Variants in CLASP1 observed in about 807,000 individuals in gnomAD.
CLASP1 encodes cytoplasmic linker associated protein 1, also known as CLIP-associating protein 1.
CLASP1 carries 38 observed loss-of-function variants against 192.3 expected under a neutral mutation model. The observed-to-expected ratio is 0.20, with a 90% confidence interval of 0.15 to 0.26. The LOEUF is 0.26. Ranked by LOEUF, CLASP1 falls within the 10% of genes least tolerant of loss-of-function variation. The probability of loss-of-function intolerance (pLI) is 1.00; values close to 1 mark genes in which losing one functional copy is unlikely to be tolerated. For missense variants in CLASP1, 1,433 were observed against 1,932.5 expected, an observed-to-expected ratio of 0.74 and a Z score of 4.85; for synonymous variants, 691 against 712.8, an observed-to-expected ratio of 0.97 and a Z score of 0.49.
intron 34 of CLASP1, 122 bp downstream of exon 35, chr2:121,377,377 T>C: frequency 2.8e-6 from 2 of 717,988 alleles, no homozygotes; most frequent in Non-Finnish European, 4.5e-6. Context: ...AAGGAAAACA[T>C]TATTTTAACT....
chr2:121,520,876 G>A (rs1165460899), intron 6 of CLASP1, among the ~76,000 whole-genome samples: 2 of 152,190 alleles, frequency 1.3e-5, no homozygotes, highest in African/African-American at 4.8e-5. Flanking sequence ...CCTCAGCTCA[G>A]GAGGTACATC....
At chr2:121,436,486 C>T (rs2082339110) in intron 19 of CLASP1, among the ~76,000 whole-genome samples, 1 of 151,102 alleles carries the variant, frequency 6.6e-6, no homozygotes, top group African/African-American at 2.4e-5. Flanking sequence ...TCTCGGTTCA[C>T]TGCAATTTCC....
At chr2:121,531,927 A>G (rs142221349) in intron 2 of CLASP1, among the ~76,000 whole-genome samples, 2 of 152,256 alleles carry the variant, frequency 1.3e-5, no homozygotes, top group African/African-American at 4.8e-5. Flanking sequence ...TCCAATAGTC[A>G]GATTAAACCC....
chr2:121,478,143 G>A (rs2091864866), intron 8 of CLASP1, among the ~76,000 whole-genome samples: 3 of 152,234 alleles, frequency 2.0e-5, no homozygotes, highest in South Asian at 4.1e-4. Context: ...TTATAGCCAT[G>A]TGCGACTTAT....
At chr2:121,512,820 ATATAAT>A (rs1246083538) in intron 7 of CLASP1, among the ~76,000 whole-genome samples, 6 of 152,218 alleles carry the variant, frequency 3.9e-5, no homozygotes, top group African/African-American at 1.4e-4. Context: ...TTTCTTAGAG[ATATAAT>A]TAATCGTATT....
intron 1 of CLASP1, among the ~76,000 whole-genome samples, chr2:121,648,258 A>G (rs1365074933): frequency 1.3e-5 from 2 of 152,204 alleles, no homozygotes; most frequent in African/African-American, 4.8e-5. Flanking sequence ...GCACCCAAAT[A>G]GGGTCCAAGG....
chr2:121,605,866 C>T (rs368499126), exon 2 of CLASP1: 109 of 1,613,850 alleles, frequency 6.8e-5, no homozygotes, highest in Middle Eastern at 4.9e-4. Context: ...GCAACACCTG[C>T]GCCAGGCAGG....
intron 19 of CLASP1, among the ~76,000 whole-genome samples, 197 bp from the exon 20 acceptor site, chr2:121,430,374 G>C (rs1011912672): frequency 6.6e-6 from 1 of 152,266 alleles, no homozygotes; most frequent in Non-Finnish European, 1.5e-5. Context: ...TATGATCCAC[G>C]CACAACTGTT....
intron 24 of CLASP1, chr2:121,409,157 C>T: frequency 1.2e-6 from 1 of 861,384 alleles, no homozygotes; most frequent in Non-Finnish European, 1.8e-6. Context: ...CATATCTTAG[C>T]AAACCAAAAA....
At chr2:121,471,300 T>C (rs1317938547) in intron 8 of CLASP1, among the ~76,000 whole-genome samples, 2 of 152,032 alleles carry the variant, frequency 1.3e-5, no homozygotes, top group African/African-American at 2.4e-5. Flanking sequence ...AGAAACATCT[T>C]TGGAATCTTA....
intron 25 of CLASP1, 40 bp downstream of exon 26, chr2:121,407,431 G>T: frequency 6.2e-7 from 1 of 1,610,306 alleles, no homozygotes; most frequent in South Asian, 1.1e-5. Context: ...AGTCCAACAG[G>T]AGATTCAAAC....
intron 30 of CLASP1, 118 bp downstream of exon 31, chr2:121,397,022 A>G: frequency 1.1e-6 from 1 of 914,736 alleles, no homozygotes; most frequent in Non-Finnish European, 1.7e-6. Context: ...GGGCAACAGC[A>G]GAGCCTTAGT....
chr2:121,458,576 C>T (rs899913476), intron 13 of CLASP1, among the ~76,000 whole-genome samples: 1 of 151,986 alleles, frequency 6.6e-6, no homozygotes, highest in African/African-American at 2.4e-5. Context: ...ACCGGATGTT[C>T]GAACATTTTA....
At chr2:121,452,662 G>A (rs2085740906) in intron 14 of CLASP1, among the ~76,000 whole-genome samples, 1 of 152,150 alleles carries the variant, frequency 6.6e-6, no homozygotes, top group East Asian at 1.9e-4. Flanking sequence ...ATGGTGGCGG[G>A]CGCCTGTAAT....
At chr2:121,487,721 C>T (rs775765458) in intron 8 of CLASP1, among the ~76,000 whole-genome samples, 2 of 152,212 alleles carry the variant, frequency 1.3e-5, no homozygotes, top group African/African-American at 2.4e-5. Context: ...CTATCAAGAA[C>T]ACCCACCACA....
At chr2:121,448,316 C>G in exon 18 of CLASP1, 3 of 1,611,920 alleles carry the variant, frequency 1.9e-6, no homozygotes, top group Non-Finnish European at 2.5e-6. Flanking sequence ...TTTTGGCAGA[C>G]AGCGGACGAC....
chr2:121,587,119 T>C (rs2061805240), intron 2 of CLASP1, among the ~76,000 whole-genome samples: 1 of 152,282 alleles, frequency 6.6e-6, no homozygotes, highest in South Asian at 2.1e-4. Flanking sequence ...TGCGAGCCTG[T>C]AGTCCCAGCT....
At chr2:121,528,480 T>C (rs2094640936) in intron 4 of CLASP1, among the ~76,000 whole-genome samples, 197 bp downstream of exon 4, 1 of 152,258 alleles carries the variant, frequency 6.6e-6, no homozygotes, top group African/African-American at 2.4e-5. Flanking sequence ...TCCACTAATT[T>C]ACTCATCTCA....
intron 2 of CLASP1, among the ~76,000 whole-genome samples, chr2:121,561,867 G>C (rs950473557): frequency 6.6e-5 from 10 of 152,208 alleles, no homozygotes; most frequent in Non-Finnish European, 1.3e-4. Flanking sequence ...TCCTACCTTT[G>C]AGTGGCTTAT....
Sources: gnomAD v4.1 joint callset for allele counts (sites outside exome capture counted in the v4.1 genomes callset) on GRCh38, gnomAD v4.1.1 for gene constraint, MANE v1.5 for transcripts, NCBI Gene and HGNC (gene_info 2026-07-23, HGNC 2026-07-21) for gene names.